Variants in ZGPAT observed in about 807,000 individuals in gnomAD.
ZGPAT encodes the protein zinc finger CCCH-type with G patch domain-containing protein.
Under a neutral mutation model 47.9 loss-of-function variants are expected in ZGPAT, and 39 were observed. That is an observed-to-expected ratio of 0.81 (90% CI 0.63 to 1.06). The LOEUF (loss-of-function observed/expected upper bound fraction) is 1.06, where lower values mean the gene tolerates loss of function less well. Ranked by LOEUF, ZGPAT falls within the 50% of genes least tolerant of loss-of-function variation. ZGPAT has a pLI of 0.00. For missense variants in ZGPAT, 717 were observed against 681.4 expected (o/e 1.05, Z -0.58); for synonymous variants, 348 against 292.9 (o/e 1.19, Z -1.92).
chr20:63,708,326 G>A, intron 1 of ZGPAT: 1 of 287,468 alleles, frequency 3.5e-6, no homozygotes, highest in Non-Finnish European at 6.5e-6. Flanking sequence ...CCGCGGGGAA[G>A]GGGCTCCGGA....
At chr20:63,734,251 G>C in intron 4 of ZGPAT, 1 of 250,586 alleles carries the variant, frequency 4.0e-6, no homozygotes, top group Non-Finnish European at 7.7e-6. Context: ...CCTGACCCAA[G>C]CATGGCGGGC....
Position 63,708,926 on chromosome 20 carries a change from G to C in ZGPAT, c.346G>C (p.Gly116Arg). The C allele has an allele frequency of 6.2e-7, 1 of 1,612,886 alleles. No homozygotes were observed. Among genetic ancestry groups the C allele is most frequent in the South Asian group, 1.1e-5 (1 of 91,068 alleles). Residue 116 changes from glycine to arginine, a missense_variant, in exon 2 of 7, where the codon GGT becomes CGT. Gly to Arg is a moderately radical substitution (Grantham distance 125, BLOSUM62 -2). Coordinates refer to ENST00000355969, the MANE Select transcript of ZGPAT (RefSeq NM_181485.3). ...KAEAGPESAA[G>R]GQEEEEGEDE... ...AGAGGCGGGGCCAGAATCTGCGGCA[G>C]GTGGGCAGGAGGAGGAAGAGGGAGA...
At chr20:63,733,408 G>T in intron 3 of ZGPAT, 56 bp downstream of exon 3, 1 of 1,601,222 alleles carries the variant, frequency 6.2e-7, no homozygotes, top group Non-Finnish European at 8.5e-7. Context: ...CACGTGTGTT[G>T]TCACTGTGTG....
At chr20:63,716,911 A>G (rs1305418739) in intron 2 of ZGPAT, among the ~76,000 whole-genome samples, 2 of 152,104 alleles carry the variant, frequency 1.3e-5, no homozygotes, top group Non-Finnish European at 2.9e-5. Flanking sequence ...TGGACTCCCT[A>G]CCTGAGGTGA....
intron 2 of ZGPAT, among the ~76,000 whole-genome samples, chr20:63,720,496 G>C (rs1021063650): frequency 6.6e-6 from 1 of 151,922 alleles, no homozygotes; most frequent in African/African-American, 2.4e-5. Context: ...CTCTCACCCA[G>C]GCTGTAGTGC....
intron 2 of ZGPAT, among the ~76,000 whole-genome samples, chr20:63,732,344 A>C (rs2091916545): frequency 7.5e-6 from 1 of 133,776 alleles, no homozygotes; most frequent in Non-Finnish European, 1.6e-5. Context: ...TGTGTGGGTG[A>C]GGTGTGTGTG....
At chr20:63,717,332 CTTTTTTTTTTTTTT>C (rs1173734420) in intron 2 of ZGPAT, among the ~76,000 whole-genome samples, 2 of 60,954 alleles carry the variant, frequency 3.3e-5, no homozygotes, top group Non-Finnish European at 5.6e-5. Context: ...TTTTTCTTTT[CTTTTTTTTTTTTTT>C]TTTTTTTTTT....
intron 1 of ZGPAT, 25 bp from the exon 2 acceptor site, chr20:63,708,528 G>A (rs1263224075): frequency 6.6e-7 from 1 of 1,510,746 alleles, no homozygotes; most frequent in South Asian, 1.3e-5. Flanking sequence ...GAGACGCGGG[G>A]CTCAGCTGGC....
At chr20:63,733,888 G>C (rs1302675190) in intron 4 of ZGPAT, 149 bp downstream of exon 4, 1 of 1,021,048 alleles carries the variant, frequency 9.8e-7, no homozygotes, top group Admixed American at 2.9e-5. Flanking sequence ...GAGGCCGTGT[G>C]GGTAGGGGTA....
chr20:63,732,814 A>G (rs142878897), intron 2 of ZGPAT, among the ~76,000 whole-genome samples: 8 of 99,218 alleles, frequency 8.1e-5, no homozygotes, highest in East Asian at 2.6e-3. Flanking sequence ...ATGCGTGTGT[A>G]TGTGTACTTG....
At chr20:63,713,828 G>A (rs1243665638) in intron 2 of ZGPAT, among the ~76,000 whole-genome samples, 5 of 149,282 alleles carry the variant, frequency 3.3e-5, no homozygotes, top group East Asian at 2.0e-4. Flanking sequence ...CTGAGATCGC[G>A]CCATTGCACT....
In ZGPAT at chr20:63,733,672, A is replaced by G. The variant is rs374194625; in HGVS notation, c.804A>G (p.Pro268=). ...TGGAGGGGGACGGCATCCTGCCCCC[A>G]CTGCGCACAGAGGCCACAGAGTCCG... ...AVVEGDGILP[P]LRTEATESDS... Residue 268 remains proline, a synonymous_variant, in exon 4 of 7, where the codon CCA becomes CCG. Transcript: ENST00000355969. 3.5e-5 allele frequency: 57 copies of G among 1,613,760 alleles called. No individual in the cohort carries two copies. The highest frequency in any genetic ancestry group is 1.6e-4 in the Middle Eastern group (1 of 6,084).
At chr20:63,732,869 C>T (rs763855608) in intron 2 of ZGPAT, among the ~76,000 whole-genome samples, 13 of 150,758 alleles carry the variant, frequency 8.6e-5, no homozygotes, top group Admixed American at 4.0e-4. Flanking sequence ...TGTATATGCG[C>T]GTGTGCGTAT....
Position 63,708,991 on chromosome 20 carries a change from C to G in ZGPAT, c.411C>G (p.Pro137=), listed in dbSNP as rs553056580. 7 of 1,613,604 alleles carry G rather than the reference C, an allele frequency of 4.3e-6. No homozygotes were observed. In the East Asian group the frequency reaches 1.3e-4, roughly 31 times the overall value. Residue 137 remains proline, a synonymous_variant, in exon 2 of 7, where the codon CCC becomes CCG. Transcript: ENST00000355969. ...EELSGTKVSA[P]YYSSWGTLEY... ...TGAGTGGGACAAAGGTGAGCGCGCC[C>G]TACTACAGCTCCTGGGGCACTCTGG...
At chr20:63,720,070 A>T (rs2091771508) in intron 2 of ZGPAT, among the ~76,000 whole-genome samples, 1 of 151,548 alleles carries the variant, frequency 6.6e-6, no homozygotes, top group Non-Finnish European at 1.5e-5. Context: ...AAGGTAATTG[A>T]TTGAAAGTTT....
At chr20:63,717,771 A>G (rs1171727708) in intron 2 of ZGPAT, among the ~76,000 whole-genome samples, 1 of 152,138 alleles carries the variant, frequency 6.6e-6, no homozygotes, top group East Asian at 1.9e-4. Flanking sequence ...GGCCAGGCAC[A>G]GTGGCTCACA....
chr20:63,710,107 A>G (rs565457680), intron 2 of ZGPAT, among the ~76,000 whole-genome samples: 8 of 150,242 alleles, frequency 5.3e-5, no homozygotes, highest in African/African-American at 1.2e-4. Context: ...TGATCCGCCC[A>G]CCTTGGCCTC....
intron 2 of ZGPAT, among the ~76,000 whole-genome samples, 160 bp from the exon 3 acceptor site, chr20:63,733,055 CGTGT>C (rs372157921): frequency 0.011 from 1,626 of 151,324 alleles, 25 homozygotes; most frequent in African/African-American, 0.036. Context: ...TGTATGTGTG[CGTGT>C]GTATGTGTGT....
chr20:63,730,862 A>T (rs1381074409), intron 2 of ZGPAT, among the ~76,000 whole-genome samples: 1 of 148,618 alleles, frequency 6.7e-6, no homozygotes, highest in East Asian at 2.0e-4. Context: ...TTGGTTTTTC[A>T]TGTCTTTATT....
Sources: gnomAD v4.1 joint callset for allele counts (sites outside exome capture counted in the v4.1 genomes callset) on GRCh38, gnomAD v4.1.1 for gene constraint, MANE v1.5 for transcripts, NCBI Gene and HGNC (gene_info 2026-07-23, HGNC 2026-07-21) for gene names.